Variants in CMSS1 observed in about 807,000 individuals in gnomAD.
CMSS1 encodes the protein cms1 ribosomal small subunit homolog.
A neutral mutation model predicts 43.5 loss-of-function variants in CMSS1; 33 were observed. That is an observed-to-expected ratio of 0.76 (90% CI 0.57 to 1.01). The LOEUF is 1.01. CMSS1 is among the 50% of genes least tolerant of loss of function. The probability of loss-of-function intolerance (pLI) is 0.00; values close to 1 mark genes in which losing one functional copy is unlikely to be tolerated. For missense variants in CMSS1, 313 were observed against 326.4 expected (o/e 0.96, Z 0.32); for synonymous variants, 115 against 117.2 (o/e 0.98, Z 0.12).
intron 1 of CMSS1, among the ~76,000 whole-genome samples, chr3:100,099,053 A>G (rs1197356225): frequency 6.6e-6 from 1 of 152,188 alleles, no homozygotes; most frequent in African/African-American, 2.4e-5. Context: ...GGAGTTTTCA[A>G]ATTTCTACCA....
chr3:99,962,413 A>G (rs768134835), intron 1 of CMSS1, among the ~76,000 whole-genome samples: 6 of 152,160 alleles, frequency 3.9e-5, no homozygotes, highest in Non-Finnish European at 7.3e-5. Flanking sequence ...GAGGTCATTT[A>G]GGTTTTGGAA....
rs149566268 is a variant in CMSS1 at position 100,020,078 on chromosome 3, T to C, written c.65-126895T>C. On this transcript the variant is annotated intron_variant, in intron 1 of 9. Transcript: ENST00000421999. ...TCTTGTTCCCTGGAAAGCCTTACTA[T>C]AATCCAGAACTTTGCTAGCATATCA... Among the ~76,000 whole-genome samples the C allele has an allele frequency of 7.3e-3, 1,119 of 152,306 alleles. 19 individuals are homozygous for C. Among genetic ancestry groups the C allele is most frequent in the African/African-American group, 0.025 (1,029 of 41,572 alleles).
chr3:100,149,609 G>T (rs998739019), intron 2 of CMSS1, among the ~76,000 whole-genome samples: 1 of 152,132 alleles, frequency 6.6e-6, no homozygotes, highest in East Asian at 1.9e-4. Context: ...CCTGGCCAGA[G>T]AAATATCATT....
chr3:99,872,235 A>G (rs1225179808), intron 1 of CMSS1, among the ~76,000 whole-genome samples: 1 of 147,512 alleles, frequency 6.8e-6, no homozygotes, highest in African/African-American at 2.5e-5. Flanking sequence ...TGCCCCTTCC[A>G]GCTGTAAAAT....
chr3:100,015,408 T>A (rs1710313234), intron 1 of CMSS1, among the ~76,000 whole-genome samples: 1 of 152,222 alleles, frequency 6.6e-6, no homozygotes, highest in South Asian at 2.1e-4. Flanking sequence ...GCTTTTTCTA[T>A]TTCTGTGAAA....
rs1345518832 is a variant in CMSS1, at chr3:100,180,899, T to C, written c.*2511T>C. ...GGGTAGTTTATAATGAAAAGAGGTT[T>C]AATTGACTTCCAGTTCCACAGACTG... On this transcript the variant is annotated 3_prime_UTR_variant, in exon 10 of 10. Coordinates refer to ENST00000421999, the MANE Select transcript of CMSS1 (RefSeq NM_032359.4). The C allele has an allele frequency of 6.6e-6, 1 of 152,234 alleles. No individual in the cohort carries two copies. The highest frequency in any genetic ancestry group is 2.4e-5 in the African/African-American group (1 of 41,440). 9.4% of individuals were successfully genotyped at this position (152,234 alleles called of 1,614,324 possible). A position where few individuals can be genotyped will look rare whatever the true frequency, so the allele number is the denominator to read the frequency against.
chr3:100,076,070 A>G (rs897322833), intron 1 of CMSS1, among the ~76,000 whole-genome samples: 3 of 152,200 alleles, frequency 2.0e-5, no homozygotes, highest in African/African-American at 7.2e-5. Flanking sequence ...GGCTTTGGGC[A>G]GGGCTGATGC....
chr3:100,156,299 C>CTTTTTTTTTTTTTTTT (rs34413816), intron 2 of CMSS1, among the ~76,000 whole-genome samples: 2 of 73,116 alleles, frequency 2.7e-5, no homozygotes, highest in Non-Finnish European at 5.2e-5. Flanking sequence ...AATTTTTTTT[C>CTTTTTTTTTTTTTTTT]TTTTTTTTTT....
chr3:100,147,407 A>G (rs368306178), intron 2 of CMSS1, among the ~76,000 whole-genome samples: 104 of 150,414 alleles, frequency 6.9e-4, no homozygotes, highest in Middle Eastern at 6.8e-3. Context: ...AGTAGCTGGG[A>G]TACCACAGGC....
chr3:99,848,293 A>T, intron 1 of CMSS1: 2 of 1,613,904 alleles, frequency 1.2e-6, no homozygotes, highest in Non-Finnish European at 8.5e-7. Flanking sequence ...TATATTACTT[A>T]CTGTAATTTG....
chr3:100,130,606 A>T (rs2066698713), intron 1 of CMSS1, among the ~76,000 whole-genome samples: 1 of 152,206 alleles, frequency 6.6e-6, no homozygotes, highest in South Asian at 2.1e-4. Flanking sequence ...CGAAACAACC[A>T]CCTAGAGTAC....
chr3:100,115,701 T>G (rs2066561004), intron 1 of CMSS1, among the ~76,000 whole-genome samples: 1 of 151,926 alleles, frequency 6.6e-6, no homozygotes, highest in African/African-American at 2.4e-5. Context: ...TGAATTAATT[T>G]ATATACTTTA....
rs751566745 is a variant in CMSS1, at chr3:100,176,444, TC to T, written c.756+30del. Reference sequence around the variant, plus strand: ...CCACGTAACCAGCAGTTGCCTTTAATCATTTTTTCTCTATTTGAACTTGGTT... The same window carrying T: ...CCACGTAACCAGCAGTTGCCTTTAATATTTTTTCTCTATTTGAACTTGGTT... On this transcript the variant is annotated intron_variant, in intron 9 of 9. Transcript: ENST00000421999. The T allele has an allele frequency of 4.9e-6, 7 of 1,436,436 alleles. No individual in the cohort carries two copies. In the South Asian group the frequency reaches 5.8e-5, roughly 12 times the overall value. 89.0% of individuals were successfully genotyped at this position (1,436,436 alleles called of 1,614,324 possible). A position where few individuals can be genotyped will look rare whatever the true frequency, so the allele number is the denominator to read the frequency against.
chr3:99,982,924 G>T (rs552311039), intron 1 of CMSS1, among the ~76,000 whole-genome samples: 156 of 152,164 alleles, frequency 1.0e-3, no homozygotes, highest in African/African-American at 3.5e-3. Context: ...TTTTTAGTCT[G>T]TTACATCAAA....
At chr3:100,077,716 C>A (rs917771919) in intron 1 of CMSS1, among the ~76,000 whole-genome samples, 2 of 152,086 alleles carry the variant, frequency 1.3e-5, no homozygotes, top group Non-Finnish European at 2.9e-5. Flanking sequence ...TCAAGACCAG[C>A]CTGGGCAACA....
Position 100,087,467 on chromosome 3 carries a change from G to A in CMSS1, c.65-59506G>A, listed in dbSNP as rs544778931. Reference sequence around the variant, plus strand: ...TGGTATCTCCTTGTGGTTTTAATTTGTATTTCCACAATGACTAATGGTGTT... The same window carrying A: ...TGGTATCTCCTTGTGGTTTTAATTTATATTTCCACAATGACTAATGGTGTT... On this transcript the variant is annotated intron_variant, in intron 1 of 9. Transcript: ENST00000421999. Among the ~76,000 whole-genome samples, 6 of 152,174 alleles carry A rather than the reference G, an allele frequency of 3.9e-5. No individual in the cohort carries two copies. In the East Asian group the frequency reaches 5.8e-4, roughly 15 times the overall value.
chr3:100,177,360 T>G (rs1251837909), intron 9 of CMSS1, among the ~76,000 whole-genome samples: 3 of 152,228 alleles, frequency 2.0e-5, no homozygotes, highest in Non-Finnish European at 2.9e-5. Context: ...TTAACAAATT[T>G]GATATCAGGC....
chr3:99,878,598 C>A (rs986987298), intron 1 of CMSS1, among the ~76,000 whole-genome samples: 6 of 152,204 alleles, frequency 3.9e-5, no homozygotes, highest in African/African-American at 1.4e-4. Context: ...ATTTTCTAGA[C>A]TGAATCTTGA....
At chr3:100,123,143 G>A (rs189576583) in intron 1 of CMSS1, among the ~76,000 whole-genome samples, 47 of 152,334 alleles carry the variant, frequency 3.1e-4, no homozygotes, top group African/African-American at 1.1e-3. Flanking sequence ...TAGAAAGGAA[G>A]AGAAAATCAT....
Sources: gnomAD v4.1 joint callset for allele counts (sites outside exome capture counted in the v4.1 genomes callset) on GRCh38, gnomAD v4.1.1 for gene constraint, MANE v1.5 for transcripts, NCBI Gene and HGNC (gene_info 2026-07-23, HGNC 2026-07-21) for gene names.